Variants in GABRG1 observed in about 807,000 individuals in gnomAD.
GABRG1 encodes gamma-aminobutyric acid receptor subunit gamma-1.
In GABRG1, 49 loss-of-function variants were observed where a neutral mutation model predicts 49.8. The ratio of observed to expected loss-of-function variants is 0.98; its 90% confidence interval spans 0.78 to 1.25. GABRG1 has a LOEUF of 1.25. Among genes scored for constraint, GABRG1 ranks in the 50% most tolerant of loss-of-function variants. The pLI, the probability that GABRG1 is intolerant of heterozygous loss-of-function variation, is 0.00. For missense variants in GABRG1, 552 were observed against 552.3 expected, an observed-to-expected ratio of 1.00 and a Z score of 0.01; for synonymous variants, 232 against 185.1, an observed-to-expected ratio of 1.25 and a Z score of -2.06.
chr4:46,060,307 C>G (rs187363119), intron 5 of GABRG1, among the ~76,000 whole-genome samples: 1 of 151,870 alleles, frequency 6.6e-6, no homozygotes, highest in Admixed American at 6.6e-5. Context: ...TTCACGTGAT[C>G]TCAACTGGTC....
chr4:46,056,960 TTTATACAAACCC>T (rs1339960690), intron 7 of GABRG1, among the ~76,000 whole-genome samples: 1 of 152,078 alleles, frequency 6.6e-6, no homozygotes, highest in Admixed American at 6.6e-5. Flanking sequence ...AGCATAGAAC[TTTATACAAACCC>T]AGTGGTATAA....
chr4:46,065,676 G>A, intron 3 of GABRG1, 92 bp from the exon 4 acceptor site: 1 of 649,776 alleles, frequency 1.5e-6, no homozygotes, highest in Non-Finnish European at 2.6e-6. Flanking sequence ...TAAAGTTTCT[G>A]CAAGTAACAG....
chr4:46,074,822 A>C (rs1719264929), intron 3 of GABRG1, among the ~76,000 whole-genome samples: 1 of 152,108 alleles, frequency 6.6e-6, no homozygotes, highest in African/African-American at 2.4e-5. Flanking sequence ...GATAATCAAT[A>C]GAACAAATAC....
intron 3 of GABRG1, among the ~76,000 whole-genome samples, chr4:46,077,379 G>T (rs1292508299): frequency 6.6e-6 from 1 of 151,558 alleles, no homozygotes; most frequent in East Asian, 1.9e-4. Flanking sequence ...AAACAGTGAG[G>T]TTAATAAAGC....
intron 1 of GABRG1, among the ~76,000 whole-genome samples, chr4:46,108,254 G>A (rs1720616659): frequency 6.6e-6 from 1 of 150,950 alleles, no homozygotes; most frequent in South Asian, 2.1e-4. Context: ...ATTATGGCCT[G>A]TCAGGGTCAA....
chr4:46,112,287 A>G, intron 1 of GABRG1, among the ~76,000 whole-genome samples: 1 of 151,290 alleles, frequency 6.6e-6, no homozygotes, highest in South Asian at 2.1e-4. Context: ...CCACAACAAG[A>G]TATCCTACAC....
intron 3 of GABRG1, among the ~76,000 whole-genome samples, chr4:46,082,987 T>G (rs1447051441): frequency 6.6e-6 from 1 of 151,690 alleles, no homozygotes; most frequent in Non-Finnish European, 1.5e-5. Flanking sequence ...TACATCTATA[T>G]TTTGTCCTAA....
At chr4:46,065,789 C>T (rs1475031263) in intron 3 of GABRG1, among the ~76,000 whole-genome samples, 3 of 152,088 alleles carry the variant, frequency 2.0e-5, no homozygotes, top group Non-Finnish European at 4.4e-5. Context: ...GTGATGCAAT[C>T]TCGGCTCACC....
At chr4:46,109,874 A>G (rs1303091159) in intron 1 of GABRG1, among the ~76,000 whole-genome samples, 1 of 150,994 alleles carries the variant, frequency 6.6e-6, no homozygotes, top group East Asian at 2.0e-4. Flanking sequence ...GTGGTCCAAG[A>G]CTATAGGTGG....
chr4:46,112,352 G>A (rs573574834), intron 1 of GABRG1, among the ~76,000 whole-genome samples: 2 of 151,526 alleles, frequency 1.3e-5, no homozygotes, highest in African/African-American at 4.8e-5. Flanking sequence ...AGACTAGGCT[G>A]TGGAGAAAAG....
intron 1 of GABRG1, among the ~76,000 whole-genome samples, chr4:46,105,121 C>A (rs1244968187): frequency 6.6e-6 from 1 of 151,158 alleles, no homozygotes; most frequent in East Asian, 2.0e-4. Flanking sequence ...TTTTTATAAG[C>A]AAGGAGACTT....
In GABRG1 at chr4:46,037,189, A is replaced by G. The variant is rs994379683; in HGVS notation, c.*3799T>C. 1 of 151,864 alleles carries G rather than the reference A, an allele frequency of 6.6e-6. No homozygotes were observed. The highest frequency in any genetic ancestry group is 2.4e-5 in the African/African-American group (1 of 41,408). The allele number at this position is 151,864 out of a possible 1,614,324, so 9.4% of individuals were successfully genotyped here. ...CATCTTTATATTCCCTTTTGTATTT[A>G]GAACAGTACTTTGTACACAGAAAGT... is the stretch of plus-strand genomic sequence containing the variant. On this transcript the variant is annotated 3_prime_UTR_variant, in exon 9 of 9. Coordinates refer to ENST00000295452, the MANE Select transcript of GABRG1 (RefSeq NM_173536.4).
chr4:46,060,793 T>C (rs768878805), intron 5 of GABRG1, among the ~76,000 whole-genome samples: 2 of 152,176 alleles, frequency 1.3e-5, no homozygotes, highest in Non-Finnish European at 2.9e-5. Flanking sequence ...TTTCTGTCTT[T>C]ACTTTTAAAA....
chr4:46,048,198 A>G (rs1718075851), intron 8 of GABRG1, among the ~76,000 whole-genome samples: 1 of 152,032 alleles, frequency 6.6e-6, no homozygotes, highest in Non-Finnish European at 1.5e-5. Flanking sequence ...ATAGTTCAAC[A>G]TATTTAACTT....
At chr4:46,086,331 A>T (rs1452475275) in intron 2 of GABRG1, among the ~76,000 whole-genome samples, 1 of 151,668 alleles carries the variant, frequency 6.6e-6, no homozygotes, top group East Asian at 1.9e-4. Flanking sequence ...TAGCAAAGGC[A>T]ATAGTTAGGA....
intron 3 of GABRG1, among the ~76,000 whole-genome samples, chr4:46,071,305 A>G: frequency 6.6e-6 from 1 of 151,712 alleles, no homozygotes; most frequent in Admixed American, 6.6e-5. Flanking sequence ...ATACACACAC[A>G]GACACAACAA....
chr4:46,123,451 G>A (rs2093158973), intron 1 of GABRG1, among the ~76,000 whole-genome samples: 1 of 151,964 alleles, frequency 6.6e-6, no homozygotes, highest in African/African-American at 2.4e-5. Flanking sequence ...TTTTTAAAAT[G>A]CAGAATCATC....
In GABRG1 at chr4:46,036,529, A is replaced by G. The variant is rs1311506128; in HGVS notation, c.*4459T>C. On this transcript the variant is annotated 3_prime_UTR_variant, in exon 9 of 9. Transcript: ENST00000295452. ...CAGAATTTCCTTATGGTGTCTTTGTACCCATCTACATGCAAGCAAGTATCT... is the reference window on the plus strand; with the variant it reads ...CAGAATTTCCTTATGGTGTCTTTGTGCCCATCTACATGCAAGCAAGTATCT... The G allele has an allele frequency of 1.3e-5, 2 of 151,910 alleles. No individual in the cohort carries two copies. The highest frequency in any genetic ancestry group is 1.3e-4 in the Admixed American group (2 of 15,198). 9.4% of individuals were successfully genotyped at this position (151,910 alleles called of 1,614,324 possible). A position where few individuals can be genotyped will look rare whatever the true frequency, so the allele number is the denominator to read the frequency against.
At chr4:46,052,139 A>G (rs1429385035) in intron 7 of GABRG1, among the ~76,000 whole-genome samples, 1 of 151,832 alleles carries the variant, frequency 6.6e-6, no homozygotes, top group Non-Finnish European at 1.5e-5. Flanking sequence ...ACATTAGATA[A>G]TATTGGAAAT....
Sources: allele counts gnomAD v4.1 joint callset (sites outside exome capture counted in the v4.1 genomes callset), GRCh38; gene constraint gnomAD v4.1.1; transcripts MANE v1.5; gene names NCBI Gene and HGNC (gene_info 2026-07-23, HGNC 2026-07-21).